The following ASAP2 variants were observed in gnomAD, a reference collection of about 807,000 sequenced individuals.
ASAP2 encodes the protein arf-GAP with SH3 domain, ANK repeat and PH domain-containing protein 2.
ASAP2 carries 45 observed loss-of-function variants against 131.4 expected under a neutral mutation model. The ratio of observed to expected loss-of-function variants is 0.34; its 90% CI spans 0.27 to 0.44. The LOEUF is 0.44. Among genes scored for constraint, ASAP2 ranks in the 20% least tolerant of loss-of-function variants. The pLI, the probability that ASAP2 is intolerant of heterozygous loss-of-function variation, is 1.00. For missense variants in ASAP2, 1,011 were observed against 1,297.0 expected (o/e 0.78, Z 3.39); for synonymous variants, 510 against 503.0 (o/e 1.01, Z -0.19).
chr2:9,369,501 C>T (rs1673764571), intron 16 of ASAP2, among the ~76,000 whole-genome samples: 1 of 152,118 alleles, frequency 6.6e-6, no homozygotes, highest in Non-Finnish European at 1.5e-5. Context: ...AGTATTATGG[C>T]TCTTATGTCT....
At chr2:9,370,552 C>T (rs1330199350) in intron 16 of ASAP2, among the ~76,000 whole-genome samples, 4 of 152,036 alleles carry the variant, frequency 2.6e-5, no homozygotes, top group Non-Finnish European at 4.4e-5. Flanking sequence ...CATGGGACAC[C>T]GGCAGATTGT....
chr2:9,362,370 G>C (rs969923061), intron 15 of ASAP2, among the ~76,000 whole-genome samples: 1 of 152,124 alleles, frequency 6.6e-6, no homozygotes, highest in Non-Finnish European at 1.5e-5. Context: ...CTGTTTCAGG[G>C]TGACATGCTG....
chr2:9,303,350 A>G (rs1283356175), intron 3 of ASAP2, among the ~76,000 whole-genome samples: 2 of 151,980 alleles, frequency 1.3e-5, no homozygotes, highest in South Asian at 2.1e-4. Flanking sequence ...CACTTTTTCT[A>G]TTGGTTGCCC....
At chr2:9,304,050 A>G (rs1668668846) in intron 3 of ASAP2, among the ~76,000 whole-genome samples, 2 of 152,182 alleles carry the variant, frequency 1.3e-5, no homozygotes, top group African/African-American at 4.8e-5. Flanking sequence ...CGGGACAGCC[A>G]CTGGCAGCCT....
intron 1 of ASAP2, among the ~76,000 whole-genome samples, chr2:9,224,696 T>G (rs563724652): frequency 6.6e-6 from 1 of 152,364 alleles, no homozygotes; most frequent in East Asian, 1.9e-4. Flanking sequence ...TCCTCATTTA[T>G]CAGAACAAAT....
At position 9,368,359 on chromosome 2, in the gene ASAP2, G is replaced by A. The variant is rs1436142655; in HGVS notation, c.1462-66G>A. On this transcript the variant is annotated intron_variant, in intron 15 of 27. Coordinates refer to ENST00000281419, the MANE Select transcript of ASAP2 (RefSeq NM_003887.3). ...ATTAAATAAATCATCAGATGGGGATGGGTAATGTGTAGCAGTAGAATGTAT... is the reference window on the plus strand; with the variant it reads ...ATTAAATAAATCATCAGATGGGGATAGGTAATGTGTAGCAGTAGAATGTAT... 3.9e-5 allele frequency: 53 copies of A among 1,367,090 alleles called. No individual in the cohort carries two copies. In the East Asian group the frequency reaches 1.2e-3, roughly 31 times the overall value. The allele number at this position is 1,367,090 out of a possible 1,614,324, so 84.7% of individuals were successfully genotyped here.
chr2:9,394,042 C>T (rs1675926777), intron 24 of ASAP2, among the ~76,000 whole-genome samples: 2 of 152,286 alleles, frequency 1.3e-5, no homozygotes, highest in South Asian at 2.1e-4. Flanking sequence ...CACAATACCA[C>T]CTGCAAAATC....
rs79560769 is a variant in ASAP2, at chr2:9,248,555, G to C, written c.127-30762G>C. On this transcript the variant is annotated intron_variant, in intron 1 of 27. Coordinates refer to ENST00000281419, the MANE Select transcript of ASAP2 (RefSeq NM_003887.3). ...AGTGAGAGTCAGCGTTTTGGGTCTC[G>C]GTTTCTTCCTCTGTAAAACCTCAGA... Among the ~76,000 whole-genome samples the C allele has an allele frequency of 2.4e-3, 367 of 152,014 alleles. 1 individual carries two copies. The highest frequency in any genetic ancestry group is 8.5e-3 in the African/African-American group (351 of 41,466).
chr2:9,373,292 G>A (rs1674128475), intron 16 of ASAP2, among the ~76,000 whole-genome samples: 1 of 152,220 alleles, frequency 6.6e-6, no homozygotes, highest in Non-Finnish European at 1.5e-5. Context: ...GCCTGCTCAG[G>A]TGGAACGGGC....
At chr2:9,364,950 C>G (rs367693141) in intron 15 of ASAP2, among the ~76,000 whole-genome samples, 1 of 152,026 alleles carries the variant, frequency 6.6e-6, no homozygotes. Context: ...ATTTACATTC[C>G]AACTATCAGA....
At chr2:9,401,181 TCCTGAGACCGGGGAAGGCAGGGTG>T in intron 26 of ASAP2, 69 bp from the exon 27 acceptor site, 7 of 1,518,200 alleles carry the variant, frequency 4.6e-6, no homozygotes, top group Non-Finnish European at 6.3e-6. Context: ...GGTACGGGAC[TCCTGAGACCGGGGAAGGCAGGGTG>T]CTTGAGCTCT....
At chr2:9,379,124 T>G (rs570292174) in intron 19 of ASAP2, 65 bp downstream of exon 19, 1 of 1,197,210 alleles carries the variant, frequency 8.4e-7, no homozygotes, top group East Asian at 2.9e-5. Flanking sequence ...CTGTCTGCCA[T>G]CCAAGCGCTG....
At chr2:9,380,517 G>C (rs1674755876) in intron 19 of ASAP2, among the ~76,000 whole-genome samples, 1 of 152,122 alleles carries the variant, frequency 6.6e-6, no homozygotes, top group Non-Finnish European at 1.5e-5. Context: ...TTCTTGATTA[G>C]TTCAAACTTC....
rs1191873491 is a variant in ASAP2, at chr2:9,232,303, C to T, written c.126+25073C>T. 1.3e-5 allele frequency among the ~76,000 whole-genome samples: 2 copies of T among 152,166 alleles called. No homozygotes were observed. Among genetic ancestry groups the T allele is most frequent in the Non-Finnish European group, 2.9e-5 (2 of 68,036 alleles). ...CAGGTGGTCCCTCTGTTTGTAGAGTCGCCCTGCTCTTCGTATCTCCCTGCC... is the reference window on the plus strand; with the variant it reads ...CAGGTGGTCCCTCTGTTTGTAGAGTTGCCCTGCTCTTCGTATCTCCCTGCC... On this transcript the variant is annotated intron_variant, in intron 1 of 27. Coordinates refer to ENST00000281419, the MANE Select transcript of ASAP2 (RefSeq NM_003887.3). The surrounding 1 kb of genome is among the most constrained non-coding windows in gnomAD (Gnocchi z 4.1).
chr2:9,218,743 A>G (rs774918953), intron 1 of ASAP2, among the ~76,000 whole-genome samples: 7 of 152,148 alleles, frequency 4.6e-5, no homozygotes, highest in Admixed American at 1.3e-4. Context: ...TTGACCTTCC[A>G]TGTCTGCTGC....
Position 9,344,755 on chromosome 2 carries a change from G to A in ASAP2, c.978G>A (p.Arg326=). 6.2e-7 allele frequency: 1 copy of A among 1,614,160 alleles called. No homozygotes were observed. Reference sequence around the variant, plus strand: ...GGATCCGAAAAGTGTGGCAGAAAAGGAAATGTTCAGTTAAAAATGGTTTTC... The same window carrying A: ...GGATCCGAAAAGTGTGGCAGAAAAGAAAATGTTCAGTTAAAAATGGTTTTC... ...SDGIRKVWQK[R]KCSVKNGFLT... The change falls in exon 11 of 28, where the codon AGG becomes AGA. Residue 326 remains arginine, a synonymous_variant. Transcript: ENST00000281419.
chr2:9,279,258 C>A, intron 1 of ASAP2, 59 bp from the exon 2 acceptor site: 1 of 1,533,506 alleles, frequency 6.5e-7, no homozygotes, highest in South Asian at 1.1e-5. Flanking sequence ...ACGTGGTGCT[C>A]GCTGCTAGCG....
intron 1 of ASAP2, among the ~76,000 whole-genome samples, chr2:9,273,935 T>C (rs955656070): frequency 1.3e-5 from 2 of 152,214 alleles, no homozygotes; most frequent in African/African-American, 4.8e-5. Context: ...GAGGGGTTTA[T>C]TTTGGGAAAG....
intron 15 of ASAP2, among the ~76,000 whole-genome samples, chr2:9,363,166 A>G (rs1055955019): frequency 3.9e-5 from 6 of 152,176 alleles, no homozygotes; most frequent in Non-Finnish European, 7.3e-5. Context: ...CATTATGTAT[A>G]TATACCACAT....
Sources: gnomAD v4.1 joint callset for allele counts (sites outside exome capture counted in the v4.1 genomes callset) on GRCh38, gnomAD v4.1.1 for gene constraint, Gnocchi (gnomAD v3.1) non-coding constraint, MANE v1.5 for transcripts, NCBI Gene and HGNC (gene_info 2026-07-23, HGNC 2026-07-21) for gene names.